RERG: variants seen among roughly 807,000 people sequenced by gnomAD.
RERG encodes ras-related and estrogen-regulated growth inhibitor.
A neutral mutation model predicts 23.2 loss-of-function variants in RERG; 25 were observed. That is an observed-to-expected ratio of 1.08 (90% CI 0.79 to 1.50). RERG has a LOEUF of 1.50. Among genes scored for constraint, RERG ranks in the 40% most tolerant of loss-of-function variants. The pLI is 0.00. For missense variants in RERG, 253 were observed against 250.1 expected, an observed-to-expected ratio of 1.01 and a Z score of -0.08; for synonymous variants, 81 against 89.1, an observed-to-expected ratio of 0.91 and a Z score of 0.51.
chr12:15,197,095 A>G (rs1425934706), intron 2 of RERG, among the ~76,000 whole-genome samples: 1 of 152,194 alleles, frequency 6.6e-6, no homozygotes, highest in East Asian at 1.9e-4. Flanking sequence ...AATCTGAAGC[A>G]GTATTTTATT....
intron 2 of RERG, among the ~76,000 whole-genome samples, chr12:15,212,041 A>ATTTTTTTTTTTTT (rs1565539269): frequency 3.2e-5 from 3 of 92,526 alleles, no homozygotes; most frequent in Non-Finnish European, 4.9e-5. Context: ...CCACGAATAA[A>ATTTTTTTTTTTTT]CTTTTTTTTT....
rs1338112425 is a variant in RERG, at chr12:15,121,189, G to A, written c.62-70C>T. 5 of 1,196,112 alleles carry A rather than the reference G, an allele frequency of 4.2e-6. No individual in the cohort carries two copies. In the Admixed American group the frequency reaches 9.2e-5, roughly 22 times the overall value. The allele number at this position is 1,196,112 out of a possible 1,614,324, so 74.1% of individuals were successfully genotyped here. A position where few individuals can be genotyped will look rare whatever the true frequency, so the allele number is the denominator to read the frequency against. On this transcript the variant is annotated intron_variant, in intron 2 of 4. Coordinates refer to ENST00000256953, the MANE Select transcript of RERG (RefSeq NM_032918.3). ...TGCTTAGCACACCTATCTTTTTAAG[G>A]AAAGCGAAATGCTCCACACAACCCT...
At chr12:15,181,879 G>A (rs1864926860) in intron 2 of RERG, among the ~76,000 whole-genome samples, 1 of 152,046 alleles carries the variant, frequency 6.6e-6, no homozygotes. Flanking sequence ...TGGCTGCAGG[G>A]CTTCGCTATT....
chr12:15,185,346 A>ACC (rs1230103942), intron 2 of RERG, among the ~76,000 whole-genome samples: 1 of 152,064 alleles, frequency 6.6e-6, no homozygotes, highest in Non-Finnish European at 1.5e-5. Flanking sequence ...TGTAATGTAC[A>ACC]CCCCAAAACT....
intron 3 of RERG, among the ~76,000 whole-genome samples, chr12:15,120,111 G>A (rs1276801792): frequency 6.6e-5 from 10 of 151,982 alleles, no homozygotes. Flanking sequence ...GAGGAAAATT[G>A]GTCAACGATT....
intron 2 of RERG, among the ~76,000 whole-genome samples, chr12:15,192,849 A>T: frequency 6.6e-6 from 1 of 152,184 alleles, no homozygotes; most frequent in Non-Finnish European, 1.5e-5. Flanking sequence ...GTCTGATGTT[A>T]ACCCATAATG....
At chr12:15,187,156 A>G (rs1865003867) in intron 2 of RERG, among the ~76,000 whole-genome samples, 1 of 152,078 alleles carries the variant, frequency 6.6e-6, no homozygotes, top group Non-Finnish European at 1.5e-5. Flanking sequence ...TGGTGGGAGG[A>G]AATAGACTCT....
At chr12:15,197,369 C>T (rs1219526099) in intron 2 of RERG, among the ~76,000 whole-genome samples, 2 of 152,128 alleles carry the variant, frequency 1.3e-5, no homozygotes, top group African/African-American at 4.8e-5. Context: ...CCTGATATTA[C>T]TGGATTCCTA....
At chr12:15,146,760 T>G (rs551208322) in intron 2 of RERG, among the ~76,000 whole-genome samples, 1 of 152,330 alleles carries the variant, frequency 6.6e-6, no homozygotes, top group East Asian at 1.9e-4. Context: ...AACTGACAAC[T>G]GTGAGTTAAG....
intron 2 of RERG, among the ~76,000 whole-genome samples, chr12:15,215,593 T>C (rs1435728858): frequency 6.6e-6 from 1 of 152,108 alleles, no homozygotes; most frequent in Non-Finnish European, 1.5e-5. Context: ...AGCATGGTTG[T>C]AACAGAAGAT....
At chr12:15,126,128 C>CATATATATATATAT (rs67901734) in intron 2 of RERG, among the ~76,000 whole-genome samples, 11,472 of 87,740 alleles carry the variant, frequency 0.13, 1,203 homozygotes, top group Non-Finnish European at 0.16. Context: ...TTGTATATAC[C>CATATATATATATAT]ATATATATAT....
intron 2 of RERG, among the ~76,000 whole-genome samples, chr12:15,171,665 G>A (rs1435525113): frequency 6.6e-6 from 1 of 151,926 alleles, no homozygotes; most frequent in Non-Finnish European, 1.5e-5. Context: ...ATTTTTAAGT[G>A]GGTTTTAAGT....
At chr12:15,188,970 A>AGGT (rs1464545766) in intron 2 of RERG, among the ~76,000 whole-genome samples, 1 of 152,100 alleles carries the variant, frequency 6.6e-6, no homozygotes, top group Non-Finnish European at 1.5e-5. Flanking sequence ...AAAAAACACA[A>AGGT]GGTGTCCCAT....
chr12:15,138,604 C>CT (rs1469700025), intron 2 of RERG, among the ~76,000 whole-genome samples: 1 of 151,920 alleles, frequency 6.6e-6, no homozygotes, highest in Non-Finnish European at 1.5e-5. Flanking sequence ...ATATTGTCTA[C>CT]TTTTTTCCAG....
At chr12:15,161,222 GAAAGAAAC>G (rs1337541209) in intron 2 of RERG, among the ~76,000 whole-genome samples, 1,444 of 122,102 alleles carry the variant, frequency 0.012, 39 homozygotes, top group East Asian at 0.023. Flanking sequence ...AAGAAAGAAA[GAAAGAAAC>G]AGGGGCATCA....
intron 2 of RERG, among the ~76,000 whole-genome samples, chr12:15,208,961 A>C (rs75280290): frequency 1.4e-5 from 2 of 148,120 alleles, no homozygotes; most frequent in African/African-American, 5.0e-5. Flanking sequence ...AAAAAAAAAA[A>C]TCAACTCAAT....
chr12:15,180,086 A>G (rs1456250002), intron 2 of RERG, among the ~76,000 whole-genome samples: 1 of 152,252 alleles, frequency 6.6e-6, no homozygotes, highest in African/African-American at 2.4e-5. Context: ...AAGATGGAAC[A>G]AGAGCATTCC....
intron 2 of RERG, among the ~76,000 whole-genome samples, chr12:15,170,830 A>T (rs962835468): frequency 6.6e-6 from 1 of 152,166 alleles, no homozygotes; most frequent in African/African-American, 2.4e-5. Context: ...AGTCTAAATC[A>T]CTTTCCTAAA....
intron 2 of RERG, among the ~76,000 whole-genome samples, chr12:15,161,773 A>G (rs888298509): frequency 1.3e-5 from 2 of 152,260 alleles, no homozygotes; most frequent in Non-Finnish European, 2.9e-5. Context: ...AATAACAATA[A>G]TAATAATAAT....
Sources: allele counts gnomAD v4.1 joint callset (sites outside exome capture counted in the v4.1 genomes callset), GRCh38; gene constraint gnomAD v4.1.1; transcripts MANE v1.5; gene names NCBI Gene and HGNC (gene_info 2026-07-23, HGNC 2026-07-21).